Variants in KDM5A observed in about 807,000 individuals in gnomAD.
The protein encoded by KDM5A is lysine demethylase 5A.
In KDM5A, 42 loss-of-function variants were observed where a neutral mutation model predicts 193.5. The observed-to-expected ratio is 0.22, with a 90% CI of 0.17 to 0.28. The LOEUF (loss-of-function observed/expected upper bound fraction) is 0.28, where lower values mean the gene tolerates loss of function less well. Among genes scored for constraint, KDM5A ranks in the 10% least tolerant of loss-of-function variants. The pLI is 1.00. For missense variants in KDM5A, 1,692 were observed against 2,055.1 expected, an observed-to-expected ratio of 0.82 and a Z score of 3.42; for synonymous variants, 796 against 718.1, an observed-to-expected ratio of 1.11 and a Z score of -1.73.
In KDM5A at chr12:378,343, A is replaced by G. The variant is rs565297467; in HGVS notation, c.366+5688T>C. On this transcript the variant is annotated intron_variant, in intron 3 of 27. Transcript: ENST00000399788. ...TGCAATCAGAGGTCACTGTAGCCCC[A>G]AACACCTGGACTCAAATGATCCTCC... is the stretch of plus-strand genomic sequence containing the variant. Among the ~76,000 whole-genome samples the G allele has an allele frequency of 7.2e-5, 11 of 152,222 alleles. No individual in the cohort carries two copies. The South Asian group carries it at 2.3e-3, about 32-fold the overall frequency.
At chr12:286,598 T>C (rs1000131403) in intron 27 of KDM5A, among the ~76,000 whole-genome samples, 11 of 152,158 alleles carry the variant, frequency 7.2e-5, no homozygotes, top group African/African-American at 2.7e-4. Flanking sequence ...CTTAAAACCA[T>C]GAGCTTTACC....
At chr12:340,467 G>A (rs1412441756) in intron 10 of KDM5A, among the ~76,000 whole-genome samples, 19 of 152,070 alleles carry the variant, frequency 1.2e-4, no homozygotes, top group East Asian at 1.9e-4. Flanking sequence ...AGGCCAAGGC[G>A]GGCAAATCAT....
In KDM5A at chr12:281,789, G is replaced by C. The variant is rs193209815; in HGVS notation, c.*3667C>G. The C allele has an allele frequency of 4.3e-6, 1 of 235,146 alleles. No individual in the cohort carries two copies. Among genetic ancestry groups the C allele is most frequent in the Non-Finnish European group, 8.4e-6 (1 of 119,076 alleles). 14.6% of individuals were successfully genotyped at this position (235,146 alleles called of 1,614,324 possible). A position where few individuals can be genotyped will look rare whatever the true frequency, so the allele number is the denominator to read the frequency against. ...CAGTTTTTCTGTTCATCCTCCTACT[G>C]TAAGTACTGGCTGATATTCACACAC... On this transcript the variant is annotated 3_prime_UTR_variant, in exon 28 of 28. Transcript: ENST00000399788.
intron 2 of KDM5A, among the ~76,000 whole-genome samples, chr12:384,682 T>C (rs1055371273): frequency 2.0e-5 from 3 of 152,242 alleles, no homozygotes; most frequent in African/African-American, 7.2e-5. Flanking sequence ...CTGATTTATG[T>C]AAAAAGTTGT....
At chr12:358,297 A>C (rs1423591659) in intron 5 of KDM5A, among the ~76,000 whole-genome samples, 1 of 152,262 alleles carries the variant, frequency 6.6e-6, no homozygotes, top group Non-Finnish European at 1.5e-5. Context: ...GTCTGTGGTT[A>C]CATAACAAAT....
At chr12:325,483 G>A (rs904733730) in intron 14 of KDM5A, among the ~76,000 whole-genome samples, 1 of 135,608 alleles carries the variant, frequency 7.4e-6, no homozygotes, top group Admixed American at 7.4e-5. Context: ...AGGAGTTCAA[G>A]ACCAGCTTGA....
chr12:346,195 C>T (rs1325434282), intron 10 of KDM5A, among the ~76,000 whole-genome samples: 1 of 152,192 alleles, frequency 6.6e-6, no homozygotes, highest in Non-Finnish European at 1.5e-5. Context: ...TGGACACATA[C>T]ACTCTCCCAA....
At chr12:377,512 A>G (rs1944522068) in intron 3 of KDM5A, among the ~76,000 whole-genome samples, 1 of 152,142 alleles carries the variant, frequency 6.6e-6, no homozygotes, top group Non-Finnish European at 1.5e-5. Context: ...ACAAAAAAAC[A>G]AGAATTAATA....
In KDM5A at chr12:281,805, A is replaced by C. The variant is rs554095872; in HGVS notation, c.*3651T>G. On this transcript the variant is annotated 3_prime_UTR_variant, in exon 28 of 28. Coordinates refer to ENST00000399788, the MANE Select transcript of KDM5A (RefSeq NM_001042603.3). Reference sequence around the variant, plus strand: ...CCTCCTACTGTAAGTACTGGCTGATATTCACACACATGTACTACAGAATTA... The same window carrying C: ...CCTCCTACTGTAAGTACTGGCTGATCTTCACACACATGTACTACAGAATTA... The C allele has an allele frequency of 4.2e-6, 1 of 237,378 alleles. No individual in the cohort carries two copies. The highest frequency in any genetic ancestry group is 2.2e-5 in the African/African-American group (1 of 45,534). 14.7% of individuals were successfully genotyped at this position (237,378 alleles called of 1,614,324 possible). A position where few individuals can be genotyped will look rare whatever the true frequency, so the allele number is the denominator to read the frequency against.
In KDM5A at chr12:305,790, C is replaced by T. The variant is rs149515785; in HGVS notation, c.4074+1156G>A. Among the ~76,000 whole-genome samples, 110 of 152,238 alleles carry T rather than the reference C, an allele frequency of 7.2e-4. 1 individual carries two copies. The highest frequency in any genetic ancestry group is 2.6e-3 in the African/African-American group (109 of 41,544). ...CTTGTCAAAACCTTCTCTTCACCAC[C>T]AGTAACGTGTCATTACCAAAATAAT... On this transcript the variant is annotated intron_variant, in intron 24 of 27. Transcript: ENST00000399788.
At chr12:342,233 C>T (rs919715545) in intron 10 of KDM5A, among the ~76,000 whole-genome samples, 3 of 152,086 alleles carry the variant, frequency 2.0e-5, no homozygotes, top group African/African-American at 7.2e-5. Flanking sequence ...ATGTGCAACT[C>T]TTTTAACAGG....
intron 3 of KDM5A, among the ~76,000 whole-genome samples, chr12:368,402 T>C (rs944972148): frequency 1.3e-5 from 2 of 152,182 alleles, no homozygotes; most frequent in African/African-American, 4.8e-5. Flanking sequence ...CGAGCCAGAC[T>C]GCCAGTATTC....
At position 307,492 on chromosome 12, in the gene KDM5A, C is replaced by A. The variant is rs377242384; in HGVS notation, c.3892G>T (p.Ala1298Ser). 30 of 1,613,486 alleles carry A rather than the reference C, an allele frequency of 1.9e-5. No individual in the cohort carries two copies. Among genetic ancestry groups the A allele is most frequent in the Non-Finnish European group, 2.5e-5 (30 of 1,180,044 alleles). ...TTGGCAGCTGCTTTTTGGAGTTCTG[C>A]ACTGATGATCTTTTCAGTTTTTTCT... ...AREKTEKIIS[A>S]ELQKAAANPD... Residue 1298 changes from alanine (A) to serine (S), a missense_variant, in exon 23 of 28, where the codon GCA becomes TCA. Physicochemically the swap from Ala to Ser is moderately conservative, Grantham distance 99. Around this residue, in one of 11 missense-constraint regions of KDM5A, gnomAD observed 965 missense variants for 1,061.0 expected, o/e 0.91. Transcript: ENST00000399788. The surrounding 1 kb of genome is among the most constrained non-coding windows in gnomAD (Gnocchi z 4.3).
chr12:339,178 CAAAA>C (rs71687052), intron 10 of KDM5A, among the ~76,000 whole-genome samples: 2 of 107,244 alleles, frequency 1.9e-5, no homozygotes. Flanking sequence ...AACCCCATCT[CAAAA>C]AAAAAAAAAA....
intron 4 of KDM5A, among the ~76,000 whole-genome samples, chr12:363,878 G>A (rs1348707775): frequency 2.6e-5 from 4 of 152,064 alleles, no homozygotes; most frequent in African/African-American, 9.7e-5. Flanking sequence ...TACACAAACT[G>A]TATAACAAAT....
intron 5 of KDM5A, among the ~76,000 whole-genome samples, chr12:362,425 G>A (rs1031448053): frequency 2.0e-5 from 3 of 152,292 alleles, no homozygotes; most frequent in East Asian, 1.9e-4. Context: ...CACTACAGTA[G>A]TTAAACTGGA....
intron 10 of KDM5A, among the ~76,000 whole-genome samples, chr12:340,343 A>AGAGACT (rs1200338877): frequency 1.3e-5 from 2 of 152,160 alleles, no homozygotes; most frequent in Non-Finnish European, 2.9e-5. Flanking sequence ...CAAGCCTTGA[A>AGAGACT]GAGACTGTAT....
intron 24 of KDM5A, among the ~76,000 whole-genome samples, chr12:300,403 G>A (rs1257791958): frequency 1.3e-5 from 2 of 152,096 alleles, no homozygotes; most frequent in South Asian, 2.1e-4. Context: ...ACAACTACAC[G>A]GAAACTTAAC....
At chr12:333,678 G>A (rs2137425218) in intron 11 of KDM5A, 29 bp from the exon 12 acceptor site, 1 of 1,605,902 alleles carries the variant, frequency 6.2e-7, no homozygotes, top group Non-Finnish European at 8.5e-7. Context: ...GTTTAGCTAG[G>A]CAGAACATGG....
Sources: allele counts gnomAD v4.1 joint callset (sites outside exome capture counted in the v4.1 genomes callset), GRCh38; gene constraint gnomAD v4.1.1; regional missense constraint gnomAD v4.1.1; non-coding constraint Gnocchi (gnomAD v3.1); transcripts MANE v1.5; gene names NCBI Gene and HGNC (gene_info 2026-07-23, HGNC 2026-07-21).